The following HROB variants were observed in gnomAD, a reference collection of about 807,000 sequenced individuals.
The protein encoded by HROB is homologous recombination factor with OB-fold, also known as homologous recombination OB-fold protein.
Under a neutral mutation model 61.0 loss-of-function variants are expected in HROB, and 44 were observed. The observed-to-expected ratio is 0.72, with a 90% confidence interval of 0.57 to 0.93. The LOEUF (loss-of-function observed/expected upper bound fraction) is 0.93. HROB is among the 40% of genes least tolerant of loss of function. The probability of loss-of-function intolerance (pLI) is 0.00; values close to 1 mark genes in which losing one functional copy is unlikely to be tolerated. For synonymous variants in HROB, 301 were observed against 310.4 expected, an observed-to-expected ratio of 0.97 and a Z score of 0.32; for missense variants, 716 against 796.2, an observed-to-expected ratio of 0.90 and a Z score of 1.21.
rs1214902881 is a variant in HROB at position 44,148,593 on chromosome 17, C to T, written c.790C>T (p.Leu264Phe). 6.2e-7 allele frequency: 1 copy of T among 1,613,916 alleles called. No homozygotes were observed. Among genetic ancestry groups the T allele is most frequent in the Non-Finnish European group, 8.5e-7 (1 of 1,180,032 alleles). Reference protein sequence around the residue: ...PTALTVPTQQLHWEVCPQRSP... With the variant: ...PTALTVPTQQFHWEVCPQRSP... ...TGCCTTAACAGTTCCCACTCAGCAA[C>T]TCCACTGGGAAGTCTGTCCGCAACG... Residue 264 changes from leucine to phenylalanine, a missense_variant, in exon 3 of 10, where the codon CTC becomes TTC. Physicochemically the swap from Leu to Phe is conservative, Grantham distance 22 (BLOSUM62 0). Transcript: ENST00000585683.
intron 5 of HROB, among the ~76,000 whole-genome samples, chr17:44,153,189 G>C (rs1273673785): frequency 6.6e-6 from 1 of 152,000 alleles, no homozygotes; most frequent in Non-Finnish European, 1.5e-5. Flanking sequence ...GCTCACACCT[G>C]TAATCCCAGC....
At position 44,142,172 on chromosome 17, in the gene HROB, G is replaced by A. The variant is rs1381626946; in HGVS notation, c.3+27G>A. On this transcript the variant is annotated intron_variant, in intron 1 of 9. Transcript: ENST00000585683. Reference sequence around the variant, plus strand: ...TAATGCCGCGCCCAGCTTGGGGGCTGGCGGGCCGCAGGGCCCCCTGGCCTC... The same window carrying A: ...TAATGCCGCGCCCAGCTTGGGGGCTAGCGGGCCGCAGGGCCCCCTGGCCTC... 2.7e-6 allele frequency: 4 copies of A among 1,508,744 alleles called. No individual in the cohort carries two copies. In the Admixed American group the frequency reaches 8.4e-5, roughly 32 times the overall value. The allele number at this position is 1,508,744 out of a possible 1,614,324, so 93.5% of individuals were successfully genotyped here.
At chr17:44,155,480 C>T in intron 8 of HROB, 69 bp downstream of exon 8, 1 of 1,587,646 alleles carries the variant, frequency 6.3e-7, no homozygotes, top group Non-Finnish European at 8.6e-7. Flanking sequence ...TGATTTCTTC[C>T]TCTCTTCCAC....
Position 44,148,486 on chromosome 17 carries a change from A to G in HROB, c.683A>G (p.Glu228Gly). Residue 228 changes from glutamate to glycine, a missense_variant, in exon 3 of 10, where the codon GAG (glutamate) becomes GGG (glycine). Transcript: ENST00000585683. ...HKAGIMSAQDESLDPVIQCRT... is the reference protein window; with the variant it reads ...HKAGIMSAQDGSLDPVIQCRT... ...GCGGGTATCATGTCCGCCCAGGATG[A>G]GTCTCTAGATCCTGTCATCCAATGT... 6.2e-7 allele frequency: 1 copy of G among 1,614,074 alleles called. No individual in the cohort carries two copies. The highest frequency in any genetic ancestry group is 8.5e-7 in the Non-Finnish European group (1 of 1,180,006).
rs1209538621 is a variant in HROB at position 44,154,904 on chromosome 17, AGCTGAAGCCTGGCTCAGTGCTGCT to A, written c.1619_1642del (p.Pro540_Lys547del). ...TTGCTGCTGGAGACGTGCCAGAATG[AGCTGAAGCCTGGCTCAGTGCTGCT>A]GCTGAAGCAGGTATGGGGAGCAGCT... On this transcript the variant is annotated inframe_deletion, in exon 7 of 10. Coordinates refer to ENST00000585683, the MANE Select transcript of HROB (RefSeq NM_001171251.3). 6.2e-7 allele frequency: 1 copy of A among 1,613,976 alleles called. No individual in the cohort carries two copies. The highest frequency in any genetic ancestry group is 8.5e-7 in the Non-Finnish European group (1 of 1,179,988).
Position 44,148,958 on chromosome 17 carries a change from G to A in HROB, c.1155G>A (p.Gln385=). 2.5e-6 allele frequency: 4 copies of A among 1,614,048 alleles called. No individual in the cohort carries two copies. The highest frequency in any genetic ancestry group is 3.4e-6 in the Non-Finnish European group (4 of 1,179,972). Residue 385 remains glutamine, a synonymous_variant, in exon 3 of 10, where the codon CAG becomes CAA. Transcript: ENST00000585683. ...LVTAASRTPQ[Q]PTHPSTRAKT... is the part of the protein sequence containing the mutation. ...CTGCTGCCAGCCGGACACCCCAGCA[G>A]CCCACCCATCCCTCCACCCGAGCCA...
chr17:44,153,062 G>C (rs1284835415), intron 5 of HROB, among the ~76,000 whole-genome samples: 2 of 152,150 alleles, frequency 1.3e-5, no homozygotes, highest in East Asian at 3.8e-4. Context: ...CTCCCTAGTG[G>C]TTAAGGGTTG....
intron 4 of HROB, among the ~76,000 whole-genome samples, chr17:44,151,991 C>T (rs1328889881): frequency 5.3e-5 from 8 of 152,056 alleles, no homozygotes; most frequent in African/African-American, 1.7e-4. Flanking sequence ...GGACTGCAGG[C>T]GTGTGCCACC....
intron 5 of HROB, among the ~76,000 whole-genome samples, 159 bp downstream of exon 5, chr17:44,152,936 C>T (rs113633442): frequency 6.6e-6 from 1 of 152,160 alleles, no homozygotes; most frequent in Non-Finnish European, 1.5e-5. Flanking sequence ...ACTTACCTAC[C>T]TTTTCACTGT....
At chr17:44,152,054 C>G (rs543467180) in intron 4 of HROB, among the ~76,000 whole-genome samples, 1 of 152,178 alleles carries the variant, frequency 6.6e-6, no homozygotes, top group East Asian at 1.9e-4. Flanking sequence ...ACCATGTTAG[C>G]CAGGATGGTC....
At chr17:44,158,974 A>G (rs1301394938) in intron 9 of HROB, among the ~76,000 whole-genome samples, 1 of 151,942 alleles carries the variant, frequency 6.6e-6, no homozygotes, top group African/African-American at 2.4e-5. Flanking sequence ...AATTTTTTGT[A>G]GAGACAGTTT....
Position 44,161,959 on chromosome 17 carries a change from C to A in HROB, c.*27C>A. 1 of 1,604,896 alleles carries A rather than the reference C, an allele frequency of 6.2e-7. No individual in the cohort carries two copies. Among genetic ancestry groups the A allele is most frequent in the Non-Finnish European group, 8.5e-7 (1 of 1,171,756 alleles). On this transcript the variant is annotated 3_prime_UTR_variant, in exon 10 of 10. Transcript: ENST00000585683. Reference sequence around the variant, plus strand: ...ACTGCCCCAACGCAGGACAACCCACCATGAGCAGGCAGCTCTGGGCATGTG... The same window carrying A: ...ACTGCCCCAACGCAGGACAACCCACAATGAGCAGGCAGCTCTGGGCATGTG...
intron 9 of HROB, among the ~76,000 whole-genome samples, chr17:44,158,555 C>T (rs1316865995): frequency 6.6e-6 from 1 of 152,104 alleles, no homozygotes; most frequent in African/African-American, 2.4e-5. Context: ...ATGAACACGC[C>T]TCACTGCATC....
intron 3 of HROB, among the ~76,000 whole-genome samples, chr17:44,149,524 T>C (rs1445675313): frequency 6.6e-6 from 1 of 152,180 alleles, no homozygotes; most frequent in Non-Finnish European, 1.5e-5. Flanking sequence ...GCTGGGATTA[T>C]AGGCGTGAGC....
intron 8 of HROB, among the ~76,000 whole-genome samples, chr17:44,156,167 C>T (rs142019676): frequency 9.7e-4 from 147 of 152,270 alleles, no homozygotes; most frequent in African/African-American, 3.4e-3. Flanking sequence ...CCATTTTCCT[C>T]ATCTTTCCCC....
chr17:44,161,896 G>C lies in HROB; in HGVS notation c.1905G>C (p.Glu635Asp). The change falls in exon 10 of 10, where the codon GAG becomes GAC. Residue 635 changes from glutamate (E) to aspartate (D), a missense_variant. By Grantham distance (45) the Glu-to-Asp change is conservative. Transcript: ENST00000585683. ...ATGACCTGGATGGACTCCTGAGTGA[G>C]CTTCCTGAAGACTTCTTCTGTGGGA... ...EADDLDGLLSELPEDFFCGTS... is the reference protein window; with the variant it reads ...EADDLDGLLSDLPEDFFCGTS... 6.2e-7 allele frequency: 1 copy of C among 1,614,210 alleles called. No homozygotes were observed.
Position 44,148,502 on chromosome 17 carries a change from C to T in HROB, c.699C>T (p.Val233=), listed in dbSNP as rs1264008781. 6.2e-7 allele frequency: 1 copy of T among 1,614,154 alleles called. No individual in the cohort carries two copies. The highest frequency in any genetic ancestry group is 2.2e-5 in the East Asian group (1 of 44,882). The part of the protein sequence containing the change: ...MSAQDESLDP[V]IQCRTPRPPL... ...CCCAGGATGAGTCTCTAGATCCTGT[C>T]ATCCAATGTAGGACTCCACGACCCC... Residue 233 remains valine (V), a synonymous_variant, in exon 3 of 10, where the codon GTC becomes GTT. Coordinates refer to ENST00000585683, the MANE Select transcript of HROB (RefSeq NM_001171251.3).
chr17:44,155,711 C>G (rs1196245874), intron 8 of HROB, among the ~76,000 whole-genome samples: 1 of 152,082 alleles, frequency 6.6e-6, no homozygotes, highest in African/African-American at 2.4e-5. Flanking sequence ...GGAGGGCCCA[C>G]CAGGGGGTGG....
chr17:44,155,513 G>C, intron 8 of HROB, 102 bp downstream of exon 8: 2 of 1,510,500 alleles, frequency 1.3e-6, no homozygotes, highest in South Asian at 1.3e-5. Context: ...AGGTCTGAAG[G>C]GGGCAGGTGC....
Sources: gnomAD v4.1 joint callset for allele counts (sites outside exome capture counted in the v4.1 genomes callset) on GRCh38, gnomAD v4.1.1 for gene constraint, MANE v1.5 for transcripts, NCBI Gene and HGNC (gene_info 2026-07-23, HGNC 2026-07-21) for gene names.